Variants in TMED3 observed in about 807,000 individuals in gnomAD.
TMED3 encodes transmembrane p24 trafficking protein 3.
Under a neutral mutation model 15.0 loss-of-function variants are expected in TMED3, and 9 were observed. That is an observed-to-expected ratio of 0.60 (90% CI 0.36 to 1.04). The LOEUF (loss-of-function observed/expected upper bound fraction) is 1.04, where lower values mean the gene tolerates loss of function less well. Among genes scored for constraint, TMED3 ranks in the 50% least tolerant of loss-of-function variants. TMED3 has a pLI of 0.01. For missense variants in TMED3, 267 were observed against 278.9 expected (o/e 0.96, Z 0.30); for synonymous variants, 117 against 121.4 (o/e 0.96, Z 0.24).
exon 3 of TMED3, chr15:79,413,427 C>A (rs1894021161): frequency 6.6e-6 from 1 of 152,192 alleles, no homozygotes; most frequent in East Asian, 1.9e-4. Context: ...GGGGTTGCTC[C>A]TCCATGGAAA....
chr15:79,323,917 G>A (rs2058777730), downstream of TMED3, among the ~76,000 whole-genome samples: 1 of 152,220 alleles, frequency 6.6e-6, no homozygotes, highest in Non-Finnish European at 1.5e-5. Flanking sequence ...GCAATAAAAT[G>A]TACTGCTTAT....
At position 79,313,999 on chromosome 15, in the gene TMED3, C is replaced by T; in HGVS notation, c.411C>T (p.Leu137=). The T allele has an allele frequency of 1.2e-6, 2 of 1,614,206 alleles. No homozygotes were observed. The highest frequency in any genetic ancestry group is 8.5e-7 in the Non-Finnish European group (1 of 1,180,028). The change falls in exon 2 of 3, where the codon CTC becomes CTT. Residue 137 remains leucine (L), a synonymous_variant. Transcript: ENST00000299705. ...LPDMGNRVTA[L]TQMESACVTI... ...ACATGGGGAACAGGGTCACAGCTCTCACCCAGGTGAGTGAACATTAGCAGT... is the reference window on the plus strand; with the variant it reads ...ACATGGGGAACAGGGTCACAGCTCTTACCCAGGTGAGTGAACATTAGCAGT...
At chr15:79,313,104 C>T (rs961829504) in intron 1 of TMED3, among the ~76,000 whole-genome samples, 1 of 152,144 alleles carries the variant, frequency 6.6e-6, no homozygotes, top group African/African-American at 2.4e-5. Flanking sequence ...AAAGACATAT[C>T]CTCAGAGAAT....
At chr15:79,368,276 T>C (rs7162565) in intron 2 of TMED3, among the ~76,000 whole-genome samples, 22,316 of 152,272 alleles carry the variant, frequency 0.15, 1,810 homozygotes, top group African/African-American at 0.22. Flanking sequence ...TTAGAGCTTA[T>C]TTTCAAGCTT....
chr15:79,325,618 C>T (rs2058784385), downstream of TMED3, among the ~76,000 whole-genome samples: 1 of 152,004 alleles, frequency 6.6e-6, no homozygotes, highest in South Asian at 2.1e-4. Flanking sequence ...AGGTGAAGTC[C>T]CACGATAGGT....
At position 79,322,689 on chromosome 15, in the gene TMED3, G is replaced by T; in HGVS notation, c.*475G>T. ...TACCTGAGGAAACCAGGCCCTGGGT[G>T]ACTTTGCAGATCTGCTCACCCTCGG... On this transcript the variant is annotated 3_prime_UTR_variant, in exon 3 of 3. Transcript: ENST00000299705. The T allele has an allele frequency of 1.0e-6, 1 of 987,004 alleles. No homozygotes were observed. The highest frequency in any genetic ancestry group is 1.2e-6 in the Non-Finnish European group (1 of 831,238). The allele number at this position is 987,004 out of a possible 1,614,324, so 61.1% of individuals were successfully genotyped here.
intron 2 of TMED3, among the ~76,000 whole-genome samples, chr15:79,385,244 C>A (rs1293948225): frequency 1.3e-5 from 2 of 152,260 alleles, no homozygotes; most frequent in East Asian, 3.9e-4. Flanking sequence ...GCACAGAGAC[C>A]CAGCAGCTTT....
At chr15:79,324,144 C>T (rs1057236062), downstream of TMED3, among the ~76,000 whole-genome samples, 1 of 152,178 alleles carries the variant, frequency 6.6e-6, no homozygotes, top group Non-Finnish European at 1.5e-5. Flanking sequence ...GCACCCGCCA[C>T]CACGCCCGGC....
intron 2 of TMED3, among the ~76,000 whole-genome samples, chr15:79,398,550 G>T (rs56194910): frequency 2.0e-5 from 3 of 148,772 alleles, no homozygotes; most frequent in Middle Eastern, 6.8e-3. Flanking sequence ...GCCTGAGAAC[G>T]GGAAGCTGTG....
intron 2 of TMED3, among the ~76,000 whole-genome samples, chr15:79,374,904 T>C (rs1893399506): frequency 6.6e-6 from 1 of 152,172 alleles, no homozygotes; most frequent in South Asian, 2.1e-4. Flanking sequence ...GTGTACTTCA[T>C]TCCTAGAGCA....
intron 2 of TMED3, among the ~76,000 whole-genome samples, chr15:79,406,952 A>G (rs2135892): frequency 0.47 from 71,849 of 152,054 alleles, 17,351 homozygotes; most frequent in East Asian, 0.68. Context: ...GTCCAGGCCA[A>G]TGGAAGACAG....
intron 2 of TMED3, chr15:79,314,535 C>T (rs1283598214): frequency 2.2e-6 from 1 of 455,620 alleles, no homozygotes; most frequent in East Asian, 7.0e-5. Context: ...TTCTGTCTTC[C>T]CTTAGGGCTT....
chr15:79,389,788 T>G (rs983314232), intron 2 of TMED3, among the ~76,000 whole-genome samples: 1 of 152,122 alleles, frequency 6.6e-6, no homozygotes. Context: ...TAGTTTTTCT[T>G]GTAGAGGTCT....
intron 2 of TMED3, among the ~76,000 whole-genome samples, chr15:79,345,208 C>G (rs1004677291): frequency 6.6e-5 from 10 of 152,094 alleles, no homozygotes; most frequent in Non-Finnish European, 1.3e-4. Context: ...CATAGGTACA[C>G]TGGTGTCATG....
chr15:79,366,457 A>G (rs1477649413), intron 2 of TMED3, among the ~76,000 whole-genome samples: 1 of 152,246 alleles, frequency 6.6e-6, no homozygotes, highest in African/African-American at 2.4e-5. Context: ...TTTAGTTTCT[A>G]TAGAGAACCA....
At chr15:79,379,546 T>A (rs1431063626) in intron 2 of TMED3, among the ~76,000 whole-genome samples, 2 of 151,486 alleles carry the variant, frequency 1.3e-5, no homozygotes, top group Non-Finnish European at 2.9e-5. Context: ...GTGATATATA[T>A]CTAATAATTA....
Position 79,322,690 on chromosome 15 carries a change from A to G in TMED3, c.*476A>G. The stretch of plus-strand genomic sequence containing the variant: ...ACCTGAGGAAACCAGGCCCTGGGTG[A>G]CTTTGCAGATCTGCTCACCCTCGGT... On this transcript the variant is annotated 3_prime_UTR_variant, in exon 3 of 3. Coordinates refer to ENST00000299705, the MANE Select transcript of TMED3 (RefSeq NM_007364.4). 3 of 986,934 alleles carry G rather than the reference A, an allele frequency of 3.0e-6. No homozygotes were observed. The highest frequency in any genetic ancestry group is 3.6e-6 in the Non-Finnish European group (3 of 831,226). The allele number at this position is 986,934 out of a possible 1,614,324, so 61.1% of individuals were successfully genotyped here. A position where few individuals can be genotyped will look rare whatever the true frequency, so the allele number is the denominator to read the frequency against.
Position 79,411,128 on chromosome 15 carries a change from C to T in TMED3, c.418-272C>T, listed in dbSNP as rs140467425. ...AGTTGCAGAGATATTAGGTAACTCA[C>T]CCGGGGTCACACAGGCATCCAGGGG... On this transcript the variant is annotated intron_variant, in intron 2 of 2. Transcript: ENST00000424155. 7.8e-3 allele frequency among the ~76,000 whole-genome samples: 1,181 copies of T among 152,244 alleles called. 34 individuals are homozygous for T. The highest frequency in any genetic ancestry group is 0.059 in the East Asian group (305 of 5,180).
intron 2 of TMED3, among the ~76,000 whole-genome samples, chr15:79,404,977 G>A (rs1397013154): frequency 2.0e-5 from 3 of 152,218 alleles, no homozygotes; most frequent in African/African-American, 7.2e-5. Context: ...AAGTTGAGGA[G>A]GTGGCACTGG....
Sources: gnomAD v4.1 joint callset for allele counts (sites outside exome capture counted in the v4.1 genomes callset) on GRCh38, gnomAD v4.1.1 for gene constraint, MANE v1.5 for transcripts, NCBI Gene and HGNC (gene_info 2026-07-23, HGNC 2026-07-21) for gene names.